The following CAP2 variants were observed in gnomAD, a reference collection of about 807,000 sequenced individuals.
CAP2 encodes cyclase associated actin cytoskeleton regulatory protein 2.
Under a neutral mutation model 57.7 loss-of-function variants are expected in CAP2, and 24 were observed. The observed-to-expected ratio is 0.42, with a 90% CI of 0.30 to 0.58. CAP2 has a LOEUF of 0.58. Ranked by LOEUF, CAP2 falls within the 20% of genes least tolerant of loss-of-function variation. The probability of loss-of-function intolerance (pLI) is 0.22; values close to 1 mark genes in which losing one functional copy is unlikely to be tolerated. For synonymous variants in CAP2, 194 were observed against 207.2 expected, an observed-to-expected ratio of 0.94 and a Z score of 0.55; for missense variants, 501 against 590.3, an observed-to-expected ratio of 0.85 and a Z score of 1.57.
At chr6:17,495,208 G>A (rs1761634896) in intron 4 of CAP2, among the ~76,000 whole-genome samples, 1 of 152,154 alleles carries the variant, frequency 6.6e-6, no homozygotes, top group African/African-American at 2.4e-5. Context: ...AAACAAAAGA[G>A]GGCAGGGACA....
intron 2 of CAP2, among the ~76,000 whole-genome samples, chr6:17,423,249 A>C (rs1759493727): frequency 6.6e-6 from 1 of 152,242 alleles, no homozygotes; most frequent in African/African-American, 2.4e-5. Context: ...GTGTGAGCAC[A>C]AATGTGCTGG....
In CAP2 at chr6:17,471,540, T is replaced by G. The variant is rs191384760; in HGVS notation, c.300+8467T>G. ...AAAAAGCTACAAGAGAAGTAAAAGG[T>G]AAAAAAGTTAGGCCGGGCACGGTGG... On this transcript the variant is annotated intron_variant, in intron 4 of 12. Transcript: ENST00000229922. Among the ~76,000 whole-genome samples the G allele has an allele frequency of 4.6e-3, 695 of 152,124 alleles. 2 individuals are homozygous for G. The highest frequency in any genetic ancestry group is 7.7e-3 in the Non-Finnish European group (524 of 67,978).
At chr6:17,429,909 G>A (rs1437828225) in intron 3 of CAP2, among the ~76,000 whole-genome samples, 1 of 152,188 alleles carries the variant, frequency 6.6e-6, no homozygotes, top group Non-Finnish European at 1.5e-5. Flanking sequence ...TAAGCTTGCA[G>A]CTGTTGCCTC....
intron 7 of CAP2, among the ~76,000 whole-genome samples, chr6:17,534,327 T>C (rs1463508993): frequency 6.6e-6 from 1 of 152,234 alleles, no homozygotes; most frequent in Non-Finnish European, 1.5e-5. Context: ...GAATTCTCCA[T>C]GTGCAGATCC....
At chr6:17,511,999 A>C (rs1331644348) in intron 6 of CAP2, among the ~76,000 whole-genome samples, 1 of 152,138 alleles carries the variant, frequency 6.6e-6, no homozygotes, top group Non-Finnish European at 1.5e-5. Flanking sequence ...GTTTTGCTAG[A>C]ACGTTCTTCA....
At chr6:17,466,152 TATCATAATGC>T (rs1467757937) in intron 4 of CAP2, among the ~76,000 whole-genome samples, 1 of 152,220 alleles carries the variant, frequency 6.6e-6, no homozygotes, top group African/African-American at 2.4e-5. Flanking sequence ...TAAAGATCAG[TATCATAATGC>T]AGATCGTATT....
At chr6:17,548,807 A>G (rs1489752352) in intron 11 of CAP2, among the ~76,000 whole-genome samples, 1 of 152,262 alleles carries the variant, frequency 6.6e-6, no homozygotes, top group Non-Finnish European at 1.5e-5. Context: ...ATAGATGCAT[A>G]GATGGAAATT....
chr6:17,518,092 C>T (rs1363512193), intron 7 of CAP2, among the ~76,000 whole-genome samples: 2 of 152,046 alleles, frequency 1.3e-5, no homozygotes, highest in Non-Finnish European at 2.9e-5. Flanking sequence ...GCATCTACTT[C>T]ACTTCTCTAA....
chr6:17,417,189 T>C (rs987050769), intron 1 of CAP2, among the ~76,000 whole-genome samples: 1 of 150,908 alleles, frequency 6.6e-6, no homozygotes, highest in African/African-American at 2.4e-5. Flanking sequence ...CACTTCTCAT[T>C]ATAATGAAAC....
chr6:17,456,203 A>G (rs1236389265), intron 3 of CAP2, among the ~76,000 whole-genome samples: 1 of 152,184 alleles, frequency 6.6e-6, no homozygotes, highest in Non-Finnish European at 1.5e-5. Flanking sequence ...CGACTCAACA[A>G]TCAGTTTTAA....
chr6:17,525,533 G>A (rs913638923), intron 7 of CAP2, among the ~76,000 whole-genome samples: 1 of 151,756 alleles, frequency 6.6e-6, no homozygotes, highest in African/African-American at 2.4e-5. Context: ...CCCACCACAA[G>A]CTGGAAGTTA....
intron 11 of CAP2, among the ~76,000 whole-genome samples, chr6:17,547,755 G>C (rs1763081609): frequency 6.6e-6 from 1 of 151,238 alleles, no homozygotes. Context: ...GCAGGAGAAT[G>C]GCATGAACCC....
intron 3 of CAP2, among the ~76,000 whole-genome samples, chr6:17,449,197 A>G (rs1760340751): frequency 6.6e-6 from 1 of 152,202 alleles, no homozygotes; most frequent in African/African-American, 2.4e-5. Flanking sequence ...GACACAAGTG[A>G]ACATTGCAGG....
intron 1 of CAP2, among the ~76,000 whole-genome samples, chr6:17,416,660 T>C (rs1759283316): frequency 6.6e-6 from 1 of 152,148 alleles, no homozygotes; most frequent in Non-Finnish European, 1.5e-5. Flanking sequence ...GTCATGTTAT[T>C]TAGACATAAG....
intron 4 of CAP2, among the ~76,000 whole-genome samples, chr6:17,465,047 A>G (rs1760825597): frequency 6.6e-6 from 1 of 152,256 alleles, no homozygotes; most frequent in South Asian, 2.1e-4. Flanking sequence ...ATGTAAGTGA[A>G]TGAACAATGG....
intron 11 of CAP2, among the ~76,000 whole-genome samples, chr6:17,545,704 A>T (rs1245329756): frequency 6.6e-6 from 1 of 151,814 alleles, no homozygotes; most frequent in Non-Finnish European, 1.5e-5. Flanking sequence ...CCCTCCCCCA[A>T]CCTCACAACA....
intron 2 of CAP2, among the ~76,000 whole-genome samples, chr6:17,424,354 C>T (rs921580005): frequency 5.3e-5 from 8 of 152,104 alleles, no homozygotes; most frequent in African/African-American, 1.4e-4. Flanking sequence ...GAGCCGAGAT[C>T]GCGCCACTGC....
At chr6:17,528,050 C>A (rs1254573608) in intron 7 of CAP2, among the ~76,000 whole-genome samples, 1 of 152,160 alleles carries the variant, frequency 6.6e-6, no homozygotes, top group Non-Finnish European at 1.5e-5. Context: ...TTTGAGTACC[C>A]ATACAGGCAT....
chr6:17,530,779 A>C (rs773354252), intron 7 of CAP2: 17 of 536,708 alleles, frequency 3.2e-5, no homozygotes, highest in Non-Finnish European at 5.6e-5. Context: ...GTTCCAAGAG[A>C]CTGTCAGGTG....
Sources: gnomAD v4.1 joint callset for allele counts (sites outside exome capture counted in the v4.1 genomes callset) on GRCh38, gnomAD v4.1.1 for gene constraint, MANE v1.5 for transcripts, NCBI Gene and HGNC (gene_info 2026-07-23, HGNC 2026-07-21) for gene names.